Variants in DYSF observed in about 807,000 individuals in gnomAD.
DYSF encodes dystrophy-associated fer-1-like 1.
A neutral mutation model predicts 274.9 loss-of-function variants in DYSF; 212 were observed. The ratio of observed to expected loss-of-function variants is 0.77; its 90% confidence interval spans 0.69 to 0.86. DYSF has a LOEUF of 0.86. Among genes scored for constraint, DYSF ranks in the 40% least tolerant of loss-of-function variants. The pLI is 0.00. For synonymous variants in DYSF, 1,091 were observed against 1,078.7 expected (o/e 1.01, Z -0.22); for missense variants, 2,666 against 2,783.2 (o/e 0.96, Z 0.95).
Position 71,589,574 on chromosome 2 carries a change from A to G in DYSF, c.3403-19A>G. The G allele has an allele frequency of 6.2e-7, 1 of 1,612,176 alleles. No individual in the cohort carries two copies. The highest frequency in any genetic ancestry group is 8.5e-7 in the Non-Finnish European group (1 of 1,178,424). ...AGGCCTGGGGGCAGAATCTGCCATA[A>G]CCAGCTTCGTGTCTCCAGGGCGGCG... On this transcript the variant is annotated intron_variant, in intron 30 of 55. Transcript: ENST00000410020.
intron 16 of DYSF, among the ~76,000 whole-genome samples, chr2:71,535,907 G>A (rs1345652992): frequency 2.6e-5 from 4 of 152,246 alleles, no homozygotes; most frequent in East Asian, 1.9e-4. Context: ...CACTTGACAC[G>A]AGTCATCTCA....
chr2:71,660,673 C>T (rs2094862368), intron 45 of DYSF, 22 bp downstream of exon 45: 2 of 1,605,072 alleles, frequency 1.2e-6, no homozygotes, highest in East Asian at 2.2e-5. Flanking sequence ...CATCTTGGGT[C>T]TTGGGGTGGA....
In DYSF at chr2:71,564,082, G is replaced by A. The variant is rs371609233; in HGVS notation, c.2434G>A (p.Val812Ile). The A allele has an allele frequency of 2.3e-5, 37 of 1,614,092 alleles. No homozygotes were observed. The highest frequency in any genetic ancestry group is 1.9e-4 in the African/African-American group (14 of 74,944). Residue 812 changes from valine (V) to isoleucine (I), a missense_variant, in exon 24 of 56, where the codon GTC becomes ATC. Val to Ile is a conservative substitution (Grantham distance 29). Transcript: ENST00000410020. ...EEPQNSLPDI[V>I]IWMLQGDKRV... is the part of the protein sequence containing the mutation. The stretch of plus-strand genomic sequence containing the variant: ...GCCCCAGAACAGCCTGCCGGACATC[G>A]TCATCTGGATGCTGCAGGGAGACAA...
At chr2:71,494,237 T>G (rs1362792764) in intron 3 of DYSF, among the ~76,000 whole-genome samples, 1 of 152,204 alleles carries the variant, frequency 6.6e-6, no homozygotes, top group Non-Finnish European at 1.5e-5. Context: ...TGTTTTCTCA[T>G]GCTTAGATTC....
chr2:71,465,988 C>T (rs2081507121), upstream of DYSF, among the ~76,000 whole-genome samples: 1 of 152,122 alleles, frequency 6.6e-6, no homozygotes, highest in African/African-American at 2.4e-5. Context: ...CTCCAGGGAA[C>T]GCAGTATGAT....
chr2:71,514,014 G>A, intron 7 of DYSF, 93 bp downstream of exon 7: 1 of 1,458,332 alleles, frequency 6.9e-7, no homozygotes, highest in Non-Finnish European at 9.5e-7. Flanking sequence ...TTCAGGGGAA[G>A]ATGTGTGTGG....
At chr2:71,516,071 GA>G in intron 8 of DYSF, 108 bp from the exon 9 acceptor site, 1 of 1,129,842 alleles carries the variant, frequency 8.9e-7, no homozygotes, top group Non-Finnish European at 1.3e-6. Flanking sequence ...CACATTTTCT[GA>G]GGGGACTAAA....
intron 22 of DYSF, 108 bp downstream of exon 22, chr2:71,556,179 C>T (rs953024390): frequency 1.7e-5 from 16 of 941,990 alleles, no homozygotes; most frequent in South Asian, 2.8e-5. Context: ...CTCCCAGCCA[C>T]GCTTGGCCAG....
chr2:71,549,231 C>A, intron 17 of DYSF: 1 of 964,718 alleles, frequency 1.0e-6, no homozygotes, highest in Non-Finnish European at 1.6e-6. Context: ...TGTTTCACAC[C>A]CGGGAGCTGT....
At chr2:71,515,853 C>A (rs527406101) in intron 8 of DYSF, 102 bp downstream of exon 8, 3 of 1,526,106 alleles carry the variant, frequency 2.0e-6, no homozygotes, top group South Asian at 1.2e-5. Context: ...TTACGTATGG[C>A]GCTGACCTTG....
intron 4 of DYSF, 36 bp from the exon 5 acceptor site, chr2:71,511,771 C>A: frequency 7.7e-7 from 1 of 1,297,932 alleles, no homozygotes; most frequent in African/African-American, 1.6e-5. Context: ...CCGAGGCCAG[C>A]GCACCAACCT....
At chr2:71,537,249 G>A (rs868309332) in intron 16 of DYSF, among the ~76,000 whole-genome samples, 3 of 16,610 alleles carry the variant, frequency 1.8e-4, no homozygotes, top group African/African-American at 3.9e-4. Flanking sequence ...TTTTTTTTGC[G>A]GGGGGCGTGG....
intron 1 of DYSF, among the ~76,000 whole-genome samples, chr2:71,478,639 G>T (rs978228569): frequency 1.3e-5 from 2 of 152,086 alleles, no homozygotes; most frequent in African/African-American, 4.8e-5. Flanking sequence ...TTTTTTCCAT[G>T]ATCAGTGATT....
chr2:71,617,487 C>T (rs573688171), intron 40 of DYSF, among the ~76,000 whole-genome samples: 31 of 151,822 alleles, frequency 2.0e-4, no homozygotes, highest in East Asian at 1.4e-3. Context: ...CAAAAGGGCT[C>T]GGGCAAAGGC....
chr2:71,672,935 G>A (rs1249176547), intron 51 of DYSF, among the ~76,000 whole-genome samples: 2 of 152,248 alleles, frequency 1.3e-5, no homozygotes, highest in Non-Finnish European at 1.5e-5. Context: ...TGCTTTGCAC[G>A]GGGACTAGTC....
At chr2:71,614,108 A>T (rs974163098) in intron 40 of DYSF, among the ~76,000 whole-genome samples, 1 of 152,092 alleles carries the variant, frequency 6.6e-6, no homozygotes, top group Non-Finnish European at 1.5e-5. Flanking sequence ...CGCTCCCCCG[A>T]CTGTGGGCCA....
chr2:71,570,542 C>A, intron 28 of DYSF, 57 bp from the exon 29 acceptor site: 1 of 1,602,512 alleles, frequency 6.2e-7, no homozygotes, highest in South Asian at 1.1e-5. Flanking sequence ...CAGAGATGGT[C>A]CCAGGAGAGA....
chr2:71,529,722 T>C (rs574189809), intron 14 of DYSF, among the ~76,000 whole-genome samples: 1 of 152,214 alleles, frequency 6.6e-6, no homozygotes, highest in African/African-American at 2.4e-5. Flanking sequence ...AGCTACCTCT[T>C]ATCTAATGGT....
intron 55 of DYSF, among the ~76,000 whole-genome samples, chr2:71,686,086 G>A (rs573341256): frequency 3.5e-4 from 53 of 152,324 alleles, no homozygotes; most frequent in Non-Finnish European, 6.6e-4. Flanking sequence ...GGTCCAGGGT[G>A]CTCAGAGTCC....
Sources: allele counts gnomAD v4.1 joint callset (sites outside exome capture counted in the v4.1 genomes callset), GRCh38; gene constraint gnomAD v4.1.1; transcripts MANE v1.5; gene names NCBI Gene and HGNC (gene_info 2026-07-23, HGNC 2026-07-21).